VPS13A: variants seen among roughly 807,000 people sequenced by gnomAD.
VPS13A encodes vacuolar protein sorting 13 homolog A, also known as intermembrane lipid transfer protein VPS13A.
VPS13A carries 264 observed loss-of-function variants against 390.9 expected under a neutral mutation model. The observed-to-expected ratio is 0.68, with a 90% CI of 0.61 to 0.75. The LOEUF (loss-of-function observed/expected upper bound fraction) is 0.75, where lower values mean the gene tolerates loss of function less well. VPS13A is among the 30% of genes least tolerant of loss of function. The probability of loss-of-function intolerance (pLI) is 0.00; values close to 1 mark genes in which losing one functional copy is unlikely to be tolerated. For synonymous variants in VPS13A, 1,231 were observed against 1,227.1 expected (o/e 1.00, Z -0.07); for missense variants, 3,409 against 3,733.9 (o/e 0.91, Z 2.27).
At position 77,412,202 on chromosome 9, in the gene VPS13A, C is replaced by A. The variant is rs1292452804; in HGVS notation, c.9475-3754C>A. Among the ~76,000 whole-genome samples, 3 of 152,156 alleles carry A rather than the reference C, an allele frequency of 2.0e-5. No homozygotes were observed. In the East Asian group the frequency reaches 5.8e-4, roughly 29 times the overall value. On this transcript the variant is annotated intron_variant, in intron 71 of 71. Coordinates refer to ENST00000360280, the MANE Select transcript of VPS13A (RefSeq NM_033305.3). ...TGGTACCATTCCTTCTGAAACTATT[C>A]CAATCAATAGAAAAAGAGGGAATCC...
chr9:77,205,544 T>G (rs1364812487), intron 4 of VPS13A, 136 bp downstream of exon 4: 1 of 363,862 alleles, frequency 2.7e-6, no homozygotes, highest in Non-Finnish European at 4.8e-6. Flanking sequence ...CAAATTAAAT[T>G]GGTTTTTACT....
intron 71 of VPS13A, among the ~76,000 whole-genome samples, chr9:77,409,456 T>G (rs1834798639): frequency 6.6e-6 from 1 of 152,150 alleles, no homozygotes; most frequent in Non-Finnish European, 1.5e-5. Flanking sequence ...GGAGAATGAC[T>G]TTGACAAGTT....
Position 77,314,112 on chromosome 9 carries a change from C to T in VPS13A, c.4235C>T (p.Pro1412Leu), listed in dbSNP as rs1310170835. 3 of 1,612,860 alleles carry T rather than the reference C, an allele frequency of 1.9e-6. No individual in the cohort carries two copies. Among genetic ancestry groups the T allele is most frequent in the Non-Finnish European group, 2.5e-6 (3 of 1,179,418 alleles). Residue 1412 changes from proline (P) to leucine (L), a missense_variant, in exon 36 of 72, where the codon CCT becomes CTT. Coordinates refer to ENST00000360280, the MANE Select transcript of VPS13A (RefSeq NM_033305.3). ...ACCATGGTGCTGTATAGTCCAGGTC[C>T]TAAACAGGTAAGTCCAGGAAGAAAA... ...DLTMVLYSPG[P>L]KQASFTDVRD...
intron 31 of VPS13A, among the ~76,000 whole-genome samples, chr9:77,284,418 T>C (rs1827217668): frequency 6.6e-6 from 1 of 152,224 alleles, no homozygotes; most frequent in Admixed American, 6.5e-5. Flanking sequence ...TCTAATATCT[T>C]CTTGTTATGG....
At chr9:77,284,924 C>CA (rs1827247600) in intron 31 of VPS13A, among the ~76,000 whole-genome samples, 1 of 151,946 alleles carries the variant, frequency 6.6e-6, no homozygotes, top group African/African-American at 2.4e-5. Context: ...AGGCTCATCT[C>CA]AAACTCCTGG....
chr9:77,228,981 A>C (rs1030601720), intron 17 of VPS13A, among the ~76,000 whole-genome samples: 2 of 152,184 alleles, frequency 1.3e-5, no homozygotes, highest in Non-Finnish European at 2.9e-5. Context: ...CCCTCCCACA[A>C]CACGTGGGAA....
At chr9:77,352,483 C>T (rs1831525940) in intron 53 of VPS13A, among the ~76,000 whole-genome samples, 1 of 151,920 alleles carries the variant, frequency 6.6e-6, no homozygotes, top group African/African-American at 2.4e-5. Flanking sequence ...TTTAAAAATT[C>T]ATTACTATTA....
Position 77,384,303 on chromosome 9 carries a change from C to G in VPS13A, c.9189+2216C>G, listed in dbSNP as rs145236633. Among the ~76,000 whole-genome samples, 524 of 151,622 alleles carry G rather than the reference C, an allele frequency of 3.5e-3. 3 individuals are homozygous for G. Among genetic ancestry groups the G allele is most frequent in the African/African-American group, 0.012 (491 of 41,434 alleles). On this transcript the variant is annotated intron_variant, in intron 68 of 71. Transcript: ENST00000360280. ...CAGTGTTTCCTGCTGGTCAAAGTTG[C>G]CTATTAGAGAAATAGAATGGTAATT...
At chr9:77,207,241 A>ATGTATATATATG (rs1564630374) in intron 5 of VPS13A, among the ~76,000 whole-genome samples, 1 of 110,884 alleles carries the variant, frequency 9.0e-6, no homozygotes, top group Non-Finnish European at 1.9e-5. Flanking sequence ...ATATATATAT[A>ATGTATATATATG]TATATATATA....
chr9:77,320,864 T>A (rs750252904), intron 42 of VPS13A, among the ~76,000 whole-genome samples: 3 of 152,076 alleles, frequency 2.0e-5, no homozygotes, highest in African/African-American at 7.2e-5. Context: ...TTTATGTTGC[T>A]TTGAAGTATG....
At chr9:77,347,554 G>A (rs2131530351) in intron 52 of VPS13A, among the ~76,000 whole-genome samples, 1 of 152,196 alleles carries the variant, frequency 6.6e-6, no homozygotes, top group East Asian at 1.9e-4. Context: ...CAGGCTCACT[G>A]CAGCCTCCAC....
chr9:77,384,605 G>T, intron 68 of VPS13A: 1 of 1,611,098 alleles, frequency 6.2e-7, no homozygotes. Flanking sequence ...TCTACAGGGA[G>T]TGGATTATGA....
At chr9:77,191,847 G>A (rs931208651) in intron 1 of VPS13A, among the ~76,000 whole-genome samples, 1 of 152,146 alleles carries the variant, frequency 6.6e-6, no homozygotes, top group African/African-American at 2.4e-5. Context: ...TGAGAATAAC[G>A]TATATTCTGT....
At chr9:77,323,461 C>T (rs896030045) in intron 45 of VPS13A, among the ~76,000 whole-genome samples, 15 of 151,972 alleles carry the variant, frequency 9.9e-5, no homozygotes, top group African/African-American at 3.6e-4. Context: ...GTAAAATCTT[C>T]TTACGGTATT....
At chr9:77,302,695 C>T (rs1454125093) in intron 33 of VPS13A, among the ~76,000 whole-genome samples, 1 of 151,982 alleles carries the variant, frequency 6.6e-6, no homozygotes, top group Non-Finnish European at 1.5e-5. Context: ...TAATATAGAA[C>T]ACTCAGCTCA....
chr9:77,237,525 T>C (rs1224936210), intron 17 of VPS13A, among the ~76,000 whole-genome samples: 1 of 151,906 alleles, frequency 6.6e-6, no homozygotes, highest in Non-Finnish European at 1.5e-5. Flanking sequence ...CCCCCACACC[T>C]GGCTAACTTT....
At chr9:77,188,775 C>T (rs918870916) in intron 1 of VPS13A, among the ~76,000 whole-genome samples, 1 of 152,134 alleles carries the variant, frequency 6.6e-6, no homozygotes. Flanking sequence ...TCTCTGCAGC[C>T]TCACCAGCAT....
intron 29 of VPS13A, among the ~76,000 whole-genome samples, chr9:77,282,732 G>A (rs1051441491): frequency 3.3e-5 from 5 of 152,064 alleles, no homozygotes; most frequent in African/African-American, 1.2e-4. Context: ...AGGATCACTT[G>A]AGGCCAGGAG....
In VPS13A at chr9:77,370,332, GGT is replaced by G. The variant is rs1324245018; in HGVS notation, c.8743+1_8743+2del. Reference sequence around the variant, plus strand: ...TAAGGCACTAGTTGGTGGAGCTGTTGGTAAGAAACAGAATATCTACCAAGTAT... The same window carrying G: ...TAAGGCACTAGTTGGTGGAGCTGTTGAAGAAACAGAATATCTACCAAGTAT... On this transcript the variant is annotated splice_donor_variant, in intron 64 of 71. Transcript: ENST00000360280. LOFTEE classifies it high-confidence loss of function. 1 of 1,613,970 alleles carries G rather than the reference GGT, an allele frequency of 6.2e-7. No homozygotes were observed. The highest frequency in any genetic ancestry group is 1.7e-5 in the Admixed American group (1 of 59,988).
Sources: gnomAD v4.1 joint callset for allele counts (sites outside exome capture counted in the v4.1 genomes callset) on GRCh38, gnomAD v4.1.1 for gene constraint, MANE v1.5 for transcripts, NCBI Gene and HGNC (gene_info 2026-07-23, HGNC 2026-07-21) for gene names.